FRMPD1: variants seen among roughly 807,000 people sequenced by gnomAD.
FRMPD1 encodes the protein FERM and PDZ domain containing 1, also known as FERM and PDZ domain-containing protein 1.
Under a neutral mutation model 117.8 loss-of-function variants are expected in FRMPD1, and 76 were observed. The observed-to-expected ratio is 0.65, with a 90% confidence interval of 0.54 to 0.78. The LOEUF is 0.78. Among genes scored for constraint, FRMPD1 ranks in the 30% least tolerant of loss-of-function variants. The probability of loss-of-function intolerance (pLI) is 0.00; values close to 1 mark genes in which losing one functional copy is unlikely to be tolerated. For missense variants in FRMPD1, 1,786 were observed against 1,964.5 expected, an observed-to-expected ratio of 0.91 and a Z score of 1.72; for synonymous variants, 783 against 770.4, an observed-to-expected ratio of 1.02 and a Z score of -0.27.
chr9:37,726,612 T>A (rs993822339), intron 7 of FRMPD1, among the ~76,000 whole-genome samples: 7 of 152,002 alleles, frequency 4.6e-5, no homozygotes, highest in Middle Eastern at 3.4e-3. Flanking sequence ...GCAGGAGAAT[T>A]GCTTGAACCT....
chr9:37,641,705 G>A, the FRMPD1 span, among the ~76,000 whole-genome samples: 1 of 152,262 alleles, frequency 6.6e-6, no homozygotes, highest in East Asian at 1.9e-4. Context: ...AGATAGGAGA[G>A]GAACCTTCCA....
chr9:37,638,017 TTTCTTTCTCTCTCTTTC>T, the FRMPD1 span, among the ~76,000 whole-genome samples: 1 of 124,266 alleles, frequency 8.0e-6, no homozygotes, highest in Non-Finnish European at 1.7e-5. Flanking sequence ...TCTTTCTTTC[TTTCTTTCTCTCTCTTTC>T]TTCCTTTCTT....
intron 1 of FRMPD1, among the ~76,000 whole-genome samples, chr9:37,658,445 T>C (rs989732527): frequency 6.6e-6 from 1 of 152,178 alleles, no homozygotes; most frequent in Non-Finnish European, 1.5e-5. Flanking sequence ...TGCTGTATTT[T>C]TTCCTGTAAA....
At chr9:37,637,921 A>G in the FRMPD1 span, among the ~76,000 whole-genome samples, 1 of 144,574 alleles carries the variant, frequency 6.9e-6, no homozygotes, top group Non-Finnish European at 1.5e-5. Flanking sequence ...ACCCACAACA[A>G]CGGTGGGATT....
At chr9:37,688,198 T>C (rs1459117960) in intron 1 of FRMPD1, among the ~76,000 whole-genome samples, 1 of 150,540 alleles carries the variant, frequency 6.6e-6, no homozygotes, top group Non-Finnish European at 1.5e-5. Flanking sequence ...TATACAAGTA[T>C]ATACATTTCC....
chr9:37,739,569 T>C (rs1824285373), intron 14 of FRMPD1, among the ~76,000 whole-genome samples: 1 of 152,160 alleles, frequency 6.6e-6, no homozygotes. Flanking sequence ...GGTGCCAGCC[T>C]AGCAGCCTCG....
Position 37,746,820 on chromosome 9 carries a change from C to A in FRMPD1, c.*51C>A. On this transcript the variant is annotated 3_prime_UTR_variant, in exon 16 of 16. Transcript: ENST00000377765. The stretch of plus-strand genomic sequence containing the variant: ...TGCCCTGTCCTGCCTTGGACACTTC[C>A]CTGAGAAGCCCCTTCCACTCTCCCA... 8.0e-7 allele frequency: 1 copy of A among 1,247,740 alleles called. No homozygotes were observed. The highest frequency in any genetic ancestry group is 1.2e-6 in the Non-Finnish European group (1 of 861,268). 77.3% of individuals were successfully genotyped at this position (1,247,740 alleles called of 1,614,324 possible). A position where few individuals can be genotyped will look rare whatever the true frequency, so the allele number is the denominator to read the frequency against.
intron 7 of FRMPD1, among the ~76,000 whole-genome samples, chr9:37,726,238 A>T (rs573439280): frequency 7.9e-5 from 12 of 152,250 alleles, no homozygotes; most frequent in Non-Finnish European, 1.5e-4. Flanking sequence ...CTGTCCACTC[A>T]TCAGTGACTT....
chr9:37,649,562 C>A (rs1055553594), upstream of FRMPD1, among the ~76,000 whole-genome samples: 4 of 152,138 alleles, frequency 2.6e-5, no homozygotes, highest in Non-Finnish European at 5.9e-5. Flanking sequence ...TGGATGGACT[C>A]CTGGATTTGG....
chr9:37,694,395 A>T (rs1822249486), intron 2 of FRMPD1, among the ~76,000 whole-genome samples: 1 of 152,176 alleles, frequency 6.6e-6, no homozygotes, highest in African/African-American at 2.4e-5. Flanking sequence ...CCCTCTTAAC[A>T]TCTTGCCTTC....
At chr9:37,720,880 C>T (rs1286639193) in intron 6 of FRMPD1, among the ~76,000 whole-genome samples, 7 of 152,174 alleles carry the variant, frequency 4.6e-5, no homozygotes, top group Admixed American at 3.9e-4. Context: ...AGTGAGACTT[C>T]GTCTCAAAAA....
At chr9:37,639,703 A>T in the FRMPD1 span, among the ~76,000 whole-genome samples, 2 of 152,082 alleles carry the variant, frequency 1.3e-5, no homozygotes, top group Admixed American at 1.3e-4. Flanking sequence ...TTCCCAGGAC[A>T]CTATTCCACC....
chr9:37,734,679 CT>C (rs1824043188), intron 12 of FRMPD1, among the ~76,000 whole-genome samples: 1 of 152,100 alleles, frequency 6.6e-6, no homozygotes, highest in African/African-American at 2.4e-5. Flanking sequence ...TGTAATCAGA[CT>C]GCTAACCTAA....
the FRMPD1 span, among the ~76,000 whole-genome samples, chr9:37,626,622 GAAAAAAAA>G: frequency 2.1e-5 from 1 of 48,634 alleles, no homozygotes; most frequent in African/African-American, 9.3e-5. Context: ...CCTGGTATCT[GAAAAAAAA>G]AAAAAAAAAA....
At chr9:37,687,987 G>C (rs2117992534) in intron 1 of FRMPD1, among the ~76,000 whole-genome samples, 1 of 152,108 alleles carries the variant, frequency 6.6e-6, no homozygotes, top group East Asian at 1.9e-4. Context: ...ACATGATATA[G>C]GTCTCTATTA....
chr9:37,720,977 G>A (rs1823375202), intron 6 of FRMPD1, among the ~76,000 whole-genome samples: 1 of 152,368 alleles, frequency 6.6e-6, no homozygotes, highest in Middle Eastern at 3.4e-3. Context: ...CAGCTAGCAG[G>A]ACAGGGACAG....
At chr9:37,640,037 C>T in the FRMPD1 span, among the ~76,000 whole-genome samples, 1 of 151,558 alleles carries the variant, frequency 6.6e-6, no homozygotes, top group Non-Finnish European at 1.5e-5. Flanking sequence ...GGGAATAGCA[C>T]TGGGACTAAG....
chr9:37,663,417 A>C (rs1821058742), intron 1 of FRMPD1, among the ~76,000 whole-genome samples: 1 of 152,132 alleles, frequency 6.6e-6, no homozygotes, highest in African/African-American at 2.4e-5. Flanking sequence ...TCAGCATGGG[A>C]ATTAGGCTTG....
chr9:37,717,341 A>ATGTGTGTGTGTGTGTGTGTGTG (rs59852335), intron 5 of FRMPD1, among the ~76,000 whole-genome samples: 81 of 120,160 alleles, frequency 6.7e-4, no homozygotes, highest in African/African-American at 2.5e-3. Flanking sequence ...ATGTGTATAT[A>ATGTGTGTGTGTGTGTGTGTGTG]TGTGTGTGTG....
Sources: gnomAD v4.1 joint callset for allele counts (sites outside exome capture counted in the v4.1 genomes callset) on GRCh38, gnomAD v4.1.1 for gene constraint, MANE v1.5 for transcripts, NCBI Gene and HGNC (gene_info 2026-07-23, HGNC 2026-07-21) for gene names.